Variants in SRC observed in about 807,000 individuals in gnomAD.
SRC encodes the protein proto-oncogene tyrosine-protein kinase Src.
Under a neutral mutation model 62.9 loss-of-function variants are expected in SRC, and 13 were observed. The observed-to-expected ratio is 0.21, with a 90% CI of 0.13 to 0.33. SRC has a LOEUF of 0.33. Ranked by LOEUF, SRC falls within the 10% of genes least tolerant of loss-of-function variation. The pLI is 1.00. For missense variants in SRC, 457 were observed against 737.3 expected (o/e 0.62, Z 4.40); for synonymous variants, 302 against 317.5 (o/e 0.95, Z 0.52).
chr20:37,390,348 A>T (rs1186766256), intron 5 of SRC, among the ~76,000 whole-genome samples: 1 of 138,370 alleles, frequency 7.2e-6, no homozygotes, highest in African/African-American at 2.7e-5. Context: ...CTAAATCCAG[A>T]TCTAACAGCT....
Position 37,400,314 on chromosome 20 carries a change from G to C in SRC, c.1039+20G>C, listed in dbSNP as rs370189527. The stretch of plus-strand genomic sequence containing the variant: ...GCAAGGGTGAGTCCTGGGCGGCCGG[G>C]GCAGGGGGCAGGGGCACTCCGGACA... On this transcript the variant is annotated intron_variant, in intron 10 of 13. Coordinates refer to ENST00000373578, the MANE Select transcript of SRC (RefSeq NM_198291.3). The C allele has an allele frequency of 6.3e-7, 1 of 1,589,262 alleles. No homozygotes were observed. The highest frequency in any genetic ancestry group is 1.3e-5 in the African/African-American group (1 of 74,452).
At chr20:37,357,085 G>A (rs77270314) in intron 1 of SRC, among the ~76,000 whole-genome samples, 1 of 152,186 alleles carries the variant, frequency 6.6e-6, no homozygotes, top group Non-Finnish European at 1.5e-5. Flanking sequence ...GCTGGGCTGT[G>A]GGGGGCGGCT....
intron 2 of SRC, among the ~76,000 whole-genome samples, chr20:37,382,411 C>T (rs1230573677): frequency 6.6e-6 from 1 of 152,168 alleles, no homozygotes; most frequent in Admixed American, 6.5e-5. Context: ...CACCACCATG[C>T]CATACCCTGT....
chr20:37,373,115 C>T lies in SRC; in HGVS notation c.-173+7838C>T, dbSNP rs568758696. 1.5e-3 allele frequency among the ~76,000 whole-genome samples: 214 copies of T among 144,216 alleles called. 2 individuals are homozygous for T. Among genetic ancestry groups the T allele is most frequent in the African/African-American group, 5.8e-3 (207 of 35,536 alleles). The allele number at this position is 144,216 out of a possible 152,430, so 94.6% of individuals were successfully genotyped here. On this transcript the variant is annotated intron_variant, in intron 2 of 13. Coordinates refer to ENST00000373578, the MANE Select transcript of SRC (RefSeq NM_198291.3). ...AAATACATATACACATATATGTACA[C>T]ACACATATGTACATATATACACATA... is the stretch of plus-strand genomic sequence containing the variant.
chr20:37,386,507 G>A (rs983186776), intron 5 of SRC: 2 of 712,844 alleles, frequency 2.8e-6, no homozygotes, highest in Non-Finnish European at 2.6e-6. Context: ...GCGGCGGGCT[G>A]GGCGGGGTGC....
chr20:37,396,082 C>A lies in SRC; in HGVS notation c.554-80C>A. 1 of 1,544,326 alleles carries A rather than the reference C, an allele frequency of 6.5e-7. No homozygotes were observed. The highest frequency in any genetic ancestry group is 8.7e-7 in the Non-Finnish European group (1 of 1,143,992). On this transcript the variant is annotated intron_variant, in intron 7 of 13. Transcript: ENST00000373578. The surrounding 1 kb of genome is among the most constrained non-coding windows in gnomAD (Gnocchi z 6.1). ...GGCCTCCCTTCCCTCCAATGTCAGG[C>A]AGGCACAGAACGGTGTCCAGAGCAG...
chr20:37,376,231 C>T (rs1600985922), intron 2 of SRC, among the ~76,000 whole-genome samples: 1 of 152,222 alleles, frequency 6.6e-6, no homozygotes, highest in East Asian at 1.9e-4. Flanking sequence ...ATGTAGTAGG[C>T]ATTTTGGAGG....
chr20:37,359,708 T>C (rs1169969048), intron 1 of SRC, among the ~76,000 whole-genome samples: 1 of 152,100 alleles, frequency 6.6e-6, no homozygotes, highest in Non-Finnish European at 1.5e-5. Context: ...CTGAGCCATC[T>C]AAAACGCAGG....
chr20:37,346,772 C>T (rs1391988017), intron 1 of SRC, among the ~76,000 whole-genome samples: 6 of 152,206 alleles, frequency 3.9e-5, no homozygotes. Flanking sequence ...CGGGTAGGGC[C>T]TGGTGCTGCC....
intron 1 of SRC, among the ~76,000 whole-genome samples, chr20:37,356,585 G>A (rs1568618952): frequency 2.6e-5 from 4 of 152,172 alleles, no homozygotes; most frequent in Admixed American, 1.3e-4. Context: ...CCTCGAAGAC[G>A]CCTGCCTGGC....
At chr20:37,395,788 G>A (rs369324692) in intron 7 of SRC, among the ~76,000 whole-genome samples, 152 of 152,316 alleles carry the variant, frequency 1.0e-3, no homozygotes, top group African/African-American at 3.6e-3. Context: ...GTGTGTGCCG[G>A]GCCCTTCTAT....
rs1222695796 is a variant in SRC, at chr20:37,384,573, T to C, written c.250+170T>C. On this transcript the variant is annotated intron_variant, in intron 4 of 13. Coordinates refer to ENST00000373578, the MANE Select transcript of SRC (RefSeq NM_198291.3). This position sits in a 1 kb window ranked among gnomAD's most constrained non-coding sequence, Gnocchi z 6.7. ...GGTGGGGGGGCGGCCGTACACACTGTGAAGCGTCCGCGCCGCCGCCGCTGG... is the reference window on the plus strand; with the variant it reads ...GGTGGGGGGGCGGCCGTACACACTGCGAAGCGTCCGCGCCGCCGCCGCTGG... Among the ~76,000 whole-genome samples the C allele has an allele frequency of 6.6e-6, 1 of 151,464 alleles. No individual in the cohort carries two copies. The highest frequency in any genetic ancestry group is 6.6e-5 in the Admixed American group (1 of 15,264).
At chr20:37,381,558 A>G (rs2070365804) in intron 2 of SRC, among the ~76,000 whole-genome samples, 1 of 152,198 alleles carries the variant, frequency 6.6e-6, no homozygotes, top group Non-Finnish European at 1.5e-5. Flanking sequence ...TCTCATAAAC[A>G]AGTCCCCTGC....
intron 2 of SRC, among the ~76,000 whole-genome samples, chr20:37,373,516 G>A (rs951478669): frequency 6.6e-6 from 1 of 151,568 alleles, no homozygotes; most frequent in African/African-American, 2.4e-5. Flanking sequence ...TCACCATGTT[G>A]TTCAGGCTGG....
chr20:37,365,589 A>T (rs1003320528), intron 2 of SRC, among the ~76,000 whole-genome samples: 8 of 148,376 alleles, frequency 5.4e-5, no homozygotes, highest in Admixed American at 2.7e-4. Flanking sequence ...TTTGCAAAGA[A>T]TTTTTTTTTT....
Position 37,355,569 on chromosome 20 carries a change from A to G in SRC, c.-247+9314A>G, listed in dbSNP as rs2069870019. On this transcript the variant is annotated intron_variant, in intron 1 of 13. Transcript: ENST00000373578. ...TCTGGGCCTTGTGATGGGTGCTGGGAACCCTGAGGATGTACTTGGGACATA... is the reference window on the plus strand; with the variant it reads ...TCTGGGCCTTGTGATGGGTGCTGGGGACCCTGAGGATGTACTTGGGACATA... Among the ~76,000 whole-genome samples, 4 of 152,040 alleles carry G rather than the reference A, an allele frequency of 2.6e-5. No individual in the cohort carries two copies. In the South Asian group the frequency reaches 8.3e-4, roughly 32 times the overall value.
intron 4 of SRC, 83 bp from the exon 5 acceptor site, chr20:37,385,992 T>C: frequency 9.1e-7 from 1 of 1,098,662 alleles, no homozygotes; most frequent in Non-Finnish European, 1.4e-6. Context: ...ACAAATCCAC[T>C]CCTCCTGGGT....
At position 37,403,340 on chromosome 20, in the gene SRC, G is replaced by A. The variant is rs146868979; in HGVS notation, c.1572G>A (p.Thr524=). 79 of 1,607,000 alleles carry A rather than the reference G, an allele frequency of 4.9e-5. No individual in the cohort carries two copies. In the African/African-American group the frequency reaches 5.5e-4, roughly 11 times the overall value. Residue 524 remains threonine, a synonymous_variant, in exon 14 of 14, where the codon ACG becomes ACA. Coordinates refer to ENST00000373578, the MANE Select transcript of SRC (RefSeq NM_198291.3). The surrounding 1 kb of genome is among the most constrained non-coding windows in gnomAD (Gnocchi z 7.1). ...AGGCCTTCCTGGAGGACTACTTCAC[G>A]TCCACCGAGCCCCAGTACCAGCCCG... The part of the protein sequence containing the change: ...YLQAFLEDYF[T]STEPQYQPGE...
chr20:37,363,434 C>T (rs191904526), intron 1 of SRC, among the ~76,000 whole-genome samples: 1 of 152,204 alleles, frequency 6.6e-6, no homozygotes, highest in East Asian at 1.9e-4. Flanking sequence ...CCTGGGTCGC[C>T]CTTGCTGTGC....
Sources: gnomAD v4.1 joint callset for allele counts (sites outside exome capture counted in the v4.1 genomes callset) on GRCh38, gnomAD v4.1.1 for gene constraint, Gnocchi (gnomAD v3.1) non-coding constraint, MANE v1.5 for transcripts, NCBI Gene and HGNC (gene_info 2026-07-23, HGNC 2026-07-21) for gene names.